SOBP: variants seen among roughly 807,000 people sequenced by gnomAD.
SOBP encodes sine oculis binding protein homolog.
A neutral mutation model predicts 53.6 loss-of-function variants in SOBP; 4 were observed. The ratio of observed to expected loss-of-function variants is 0.07; its 90% CI spans 0.04 to 0.17. The LOEUF is 0.17. Ranked by LOEUF, SOBP falls within the 10% of genes least tolerant of loss-of-function variation. SOBP has a pLI of 1.00. For synonymous variants in SOBP, 584 were observed against 522.6 expected (o/e 1.12, Z -1.60); for missense variants, 1,088 against 1,204.7 (o/e 0.90, Z 1.43).
At chr6:107,558,185 G>A (rs577164730) in intron 4 of SOBP, 2 of 152,200 alleles carry the variant, frequency 1.3e-5, no homozygotes, top group Admixed American at 1.3e-4. Flanking sequence ...CACTTAGATT[G>A]TCCAAGAAAT....
chr6:107,597,694 G>A (rs780915516), intron 5 of SOBP, among the ~76,000 whole-genome samples: 6 of 152,112 alleles, frequency 3.9e-5, no homozygotes, highest in Non-Finnish European at 7.4e-5. Flanking sequence ...TAGCCTTCAT[G>A]CATTTTGATT....
chr6:107,643,415 T>C (rs959679848), intron 6 of SOBP, among the ~76,000 whole-genome samples: 17 of 152,220 alleles, frequency 1.1e-4, no homozygotes, highest in African/African-American at 3.8e-4. Context: ...TTTATTTATT[T>C]ATTTATTTTT....
At chr6:107,626,211 T>C (rs1239349399) in intron 5 of SOBP, among the ~76,000 whole-genome samples, 1 of 152,100 alleles carries the variant, frequency 6.6e-6, no homozygotes, top group African/African-American at 2.4e-5. Context: ...AGACAGTAGA[T>C]ATTAAGGATT....
At chr6:107,520,191 A>G (rs1312779704) in intron 3 of SOBP, among the ~76,000 whole-genome samples, 3 of 152,204 alleles carry the variant, frequency 2.0e-5, no homozygotes, top group African/African-American at 4.8e-5. Context: ...GGCTACACAG[A>G]AGGAGGAGAA....
intron 4 of SOBP, among the ~76,000 whole-genome samples, chr6:107,553,424 G>A (rs949050573): frequency 1.5e-4 from 22 of 151,494 alleles, no homozygotes; most frequent in Non-Finnish European, 2.8e-4. Flanking sequence ...TGCCTCCTGG[G>A]CTCAAGTGAT....
chr6:107,573,195 G>A (rs751700820), intron 4 of SOBP, among the ~76,000 whole-genome samples: 6 of 152,186 alleles, frequency 3.9e-5, no homozygotes, highest in Non-Finnish European at 8.8e-5. Flanking sequence ...GGGTGTGTTT[G>A]TGCATTTCTA....
chr6:107,569,782 A>G (rs1785019851), intron 4 of SOBP, among the ~76,000 whole-genome samples: 1 of 152,218 alleles, frequency 6.6e-6, no homozygotes, highest in African/African-American at 2.4e-5. Flanking sequence ...CAAAATTGCC[A>G]GGAGCACATG....
chr6:107,628,246 G>A (rs1287038531), intron 5 of SOBP, among the ~76,000 whole-genome samples: 1 of 152,174 alleles, frequency 6.6e-6, no homozygotes, highest in Non-Finnish European at 1.5e-5. Context: ...AAAATAAGAG[G>A]GCTCAGCAGG....
intron 3 of SOBP, among the ~76,000 whole-genome samples, chr6:107,520,790 G>A (rs1783461958): frequency 6.6e-6 from 1 of 152,112 alleles, no homozygotes; most frequent in Non-Finnish European, 1.5e-5. Flanking sequence ...AAGGAGAGTG[G>A]TCATAATGAT....
At chr6:107,500,378 TAAAA>T (rs752236655) in intron 1 of SOBP, among the ~76,000 whole-genome samples, 1 of 112,200 alleles carries the variant, frequency 8.9e-6, no homozygotes, top group African/African-American at 3.3e-5. Flanking sequence ...AGACCCTGTC[TAAAA>T]AAAAAAAAAA....
At chr6:107,564,706 A>G (rs1784868462) in intron 4 of SOBP, among the ~76,000 whole-genome samples, 1 of 152,208 alleles carries the variant, frequency 6.6e-6, no homozygotes, top group African/African-American at 2.4e-5. Flanking sequence ...TCAGAGCTCT[A>G]TGCTTTCAGG....
chr6:107,656,331 G>GAA (rs1227301591), intron 6 of SOBP, among the ~76,000 whole-genome samples: 1 of 4,918 alleles, frequency 2.0e-4, no homozygotes, highest in African/African-American at 3.8e-4. Context: ...AAGAAAGAAA[G>GAA]AAAGAAAGAA....
At chr6:107,555,137 AC>A (rs955899665) in intron 4 of SOBP, among the ~76,000 whole-genome samples, 2 of 150,566 alleles carry the variant, frequency 1.3e-5, no homozygotes, top group Non-Finnish European at 2.9e-5. Context: ...CTGGCCATCC[AC>A]CCACCCGTTC....
chr6:107,510,974 A>G (rs898201957), intron 3 of SOBP, among the ~76,000 whole-genome samples: 2 of 152,214 alleles, frequency 1.3e-5, no homozygotes, highest in Admixed American at 6.5e-5. Context: ...AAATGCTAAT[A>G]ATAATAATAC....
chr6:107,519,683 T>C (rs1783424043), intron 3 of SOBP, among the ~76,000 whole-genome samples: 1 of 152,204 alleles, frequency 6.6e-6, no homozygotes, highest in Non-Finnish European at 1.5e-5. Context: ...TTTTTCCTTC[T>C]TTTGTCCCCT....
intron 5 of SOBP, among the ~76,000 whole-genome samples, chr6:107,606,606 CA>C (rs2115093894): frequency 6.6e-6 from 1 of 152,290 alleles, no homozygotes. Flanking sequence ...ATCTAAATCC[CA>C]AACTGCCTTT....
intron 5 of SOBP, among the ~76,000 whole-genome samples, chr6:107,589,015 T>G (rs1481986525): frequency 2.0e-5 from 3 of 152,220 alleles, no homozygotes; most frequent in Non-Finnish European, 2.9e-5. Context: ...TATGAAGCCC[T>G]GAGAAGTTAT....
chr6:107,535,702 T>A (rs115559573), intron 4 of SOBP, among the ~76,000 whole-genome samples: 2,881 of 152,042 alleles, frequency 0.019, 94 homozygotes, highest in African/African-American at 0.063. Flanking sequence ...TTTTTTTAAT[T>A]TTAAAGAGTG....
At chr6:107,525,265 C>G (rs986972423) in intron 3 of SOBP, among the ~76,000 whole-genome samples, 3 of 152,146 alleles carry the variant, frequency 2.0e-5, no homozygotes, top group Admixed American at 2.0e-4. Flanking sequence ...AAGAAACTTA[C>G]AAGAAGAAAC....
Sources: allele counts gnomAD v4.1 joint callset (sites outside exome capture counted in the v4.1 genomes callset), GRCh38; gene constraint gnomAD v4.1.1; transcripts MANE v1.5; gene names NCBI Gene and HGNC (gene_info 2026-07-23, HGNC 2026-07-21).